DNAJC1: variants seen among roughly 807,000 people sequenced by gnomAD.
DNAJC1 encodes dnaJ homolog subfamily C member 1.
DNAJC1 carries 58 observed loss-of-function variants against 76.6 expected under a neutral mutation model. The ratio of observed to expected loss-of-function variants is 0.76; its 90% CI spans 0.61 to 0.94. The LOEUF (loss-of-function observed/expected upper bound fraction) is 0.94, where lower values mean the gene tolerates loss of function less well. Among genes scored for constraint, DNAJC1 ranks in the 40% least tolerant of loss-of-function variants. The pLI, the probability that DNAJC1 is intolerant of heterozygous loss-of-function variation, is 0.00. For synonymous variants in DNAJC1, 258 were observed against 267.9 expected, an observed-to-expected ratio of 0.96 and a Z score of 0.36; for missense variants, 689 against 677.3, an observed-to-expected ratio of 1.02 and a Z score of -0.19.
At chr10:21,783,498 T>G (rs1834561432) in intron 9 of DNAJC1, among the ~76,000 whole-genome samples, 1 of 152,178 alleles carries the variant, frequency 6.6e-6, no homozygotes, top group African/African-American at 2.4e-5. Context: ...GTAGATTCAA[T>G]GCCATCCCCA....
chr10:21,895,293 C>T lies in DNAJC1; in HGVS notation c.820+9229G>A, dbSNP rs370339567. On this transcript the variant is annotated intron_variant, in intron 7 of 11. Coordinates refer to ENST00000376980, the MANE Select transcript of DNAJC1 (RefSeq NM_022365.4). ...ATCAGAATGCTCGTAGAAATATGGA[C>T]AGTAAAGGCCATTCTGATAAGGCGT... Among the ~76,000 whole-genome samples the T allele has an allele frequency of 2.9e-4, 44 of 152,170 alleles. 3 individuals carry two copies. Among genetic ancestry groups the T allele is most frequent in the African/African-American group, 9.9e-4 (41 of 41,510 alleles).
At chr10:21,802,389 C>G (rs902724195) in intron 9 of DNAJC1, among the ~76,000 whole-genome samples, 1 of 152,080 alleles carries the variant, frequency 6.6e-6, no homozygotes, top group Admixed American at 6.6e-5. Context: ...TGCTTATTTT[C>G]CATGGAACAG....
chr10:21,839,591 A>C (rs1402869058), intron 8 of DNAJC1, among the ~76,000 whole-genome samples: 1 of 152,252 alleles, frequency 6.6e-6, no homozygotes, highest in Non-Finnish European at 1.5e-5. Flanking sequence ...ACAGGCTCTG[A>C]AATTGAGGCA....
intron 8 of DNAJC1, among the ~76,000 whole-genome samples, chr10:21,848,492 T>C (rs1482069117): frequency 1.3e-5 from 2 of 152,136 alleles, no homozygotes; most frequent in African/African-American, 4.8e-5. Flanking sequence ...GCTTTTGAGG[T>C]CTTACCCCTA....
intron 1 of DNAJC1, among the ~76,000 whole-genome samples, chr10:21,993,815 G>T (rs1456749623): frequency 6.6e-6 from 1 of 152,028 alleles, no homozygotes. Flanking sequence ...AAAGCAGGCA[G>T]ATAATTGAAA....
intron 9 of DNAJC1, among the ~76,000 whole-genome samples, chr10:21,801,838 G>C (rs1834818469): frequency 6.6e-6 from 1 of 152,126 alleles, no homozygotes; most frequent in Admixed American, 6.6e-5. Context: ...TCTTTTGTGG[G>C]AACATAAATG....
chr10:21,759,865 T>C (rs1232206657), intron 10 of DNAJC1, among the ~76,000 whole-genome samples: 2 of 152,222 alleles, frequency 1.3e-5, no homozygotes, highest in Non-Finnish European at 2.9e-5. Flanking sequence ...TTCCAAGCCT[T>C]TGTCCCTTTC....
chr10:21,776,804 G>A (rs959587388), intron 9 of DNAJC1, among the ~76,000 whole-genome samples: 8 of 152,144 alleles, frequency 5.3e-5, no homozygotes, highest in African/African-American at 9.7e-5. Context: ...TAAGCAATGC[G>A]GATAGCTATT....
At chr10:21,824,112 C>A (rs1835203815) in intron 8 of DNAJC1, among the ~76,000 whole-genome samples, 1 of 152,096 alleles carries the variant, frequency 6.6e-6, no homozygotes, top group Admixed American at 6.5e-5. Context: ...CAGAAAGAAA[C>A]AGGAAGATTC....
At chr10:21,785,908 T>A (rs1441903243) in intron 9 of DNAJC1, among the ~76,000 whole-genome samples, 1 of 152,202 alleles carries the variant, frequency 6.6e-6, no homozygotes, top group African/African-American at 2.4e-5. Flanking sequence ...AATGTATGGA[T>A]TTTAAATTGT....
chr10:21,809,571 G>A (rs1239987464), intron 8 of DNAJC1, among the ~76,000 whole-genome samples: 2 of 150,598 alleles, frequency 1.3e-5, no homozygotes, highest in Admixed American at 1.3e-4. Context: ...TAACACATTA[G>A]ATATACATAA....
chr10:21,872,603 G>A (rs1225756119), intron 8 of DNAJC1, among the ~76,000 whole-genome samples: 3 of 152,162 alleles, frequency 2.0e-5, no homozygotes, highest in African/African-American at 7.2e-5. Flanking sequence ...TTGAGGATAT[G>A]TGCATTGAAA....
chr10:21,803,070 T>C (rs1027330486), intron 9 of DNAJC1, among the ~76,000 whole-genome samples: 1 of 152,136 alleles, frequency 6.6e-6, no homozygotes, highest in African/African-American at 2.4e-5. Flanking sequence ...AATTTAGCAA[T>C]CTAACTCTGC....
chr10:21,918,910 T>A lies in DNAJC1; in HGVS notation c.636-38A>T, dbSNP rs374226687. 27 of 1,428,606 alleles carry A rather than the reference T, an allele frequency of 1.9e-5. No homozygotes were observed. The African/African-American group carries it at 3.7e-4, about 19-fold the overall frequency. 88.5% of individuals were successfully genotyped at this position (1,428,606 alleles called of 1,614,324 possible). A position where few individuals can be genotyped will look rare whatever the true frequency, so the allele number is the denominator to read the frequency against. Reference sequence around the variant, plus strand: ...AGAAAAAAGAACACCATACAACATATGAGGAATATACAGAGAAAGTTGGGA... The same window carrying A: ...AGAAAAAAGAACACCATACAACATAAGAGGAATATACAGAGAAAGTTGGGA... On this transcript the variant is annotated intron_variant, in intron 5 of 11. Coordinates refer to ENST00000376980, the MANE Select transcript of DNAJC1 (RefSeq NM_022365.4).
At chr10:21,991,926 C>T (rs1564847253) in intron 1 of DNAJC1, among the ~76,000 whole-genome samples, 2 of 152,164 alleles carry the variant, frequency 1.3e-5, no homozygotes, top group Admixed American at 1.3e-4. Flanking sequence ...CAAAATTTGG[C>T]TTCCAAATTA....
intron 8 of DNAJC1, among the ~76,000 whole-genome samples, chr10:21,834,452 G>A (rs1024370807): frequency 1.3e-5 from 2 of 152,168 alleles, no homozygotes; most frequent in East Asian, 1.9e-4. Context: ...TCATCTCACT[G>A]GGGAGTACCA....
intron 9 of DNAJC1, among the ~76,000 whole-genome samples, chr10:21,799,107 A>C (rs999190564): frequency 6.6e-6 from 1 of 152,186 alleles, no homozygotes; most frequent in African/African-American, 2.4e-5. Flanking sequence ...AACATATAAA[A>C]TGTTTAAAAT....
At chr10:21,843,496 T>C (rs58900057) in intron 8 of DNAJC1, among the ~76,000 whole-genome samples, 4,356 of 149,852 alleles carry the variant, frequency 0.029, 98 homozygotes, top group Middle Eastern at 0.064. Flanking sequence ...TGGGTTCAAG[T>C]GATTATCCTG....
At chr10:21,836,313 A>G (rs1008340386) in intron 8 of DNAJC1, among the ~76,000 whole-genome samples, 1 of 152,108 alleles carries the variant, frequency 6.6e-6, no homozygotes, top group Admixed American at 6.6e-5. Flanking sequence ...CCCTAAAAGA[A>G]CTCCTGAAGG....
Sources: allele counts gnomAD v4.1 joint callset (sites outside exome capture counted in the v4.1 genomes callset), GRCh38; gene constraint gnomAD v4.1.1; transcripts MANE v1.5; gene names NCBI Gene and HGNC (gene_info 2026-07-23, HGNC 2026-07-21).